The following COL24A1 variants were observed in gnomAD, a reference collection of about 807,000 sequenced individuals.
COL24A1 encodes the protein collagen alpha-1(XXIV) chain.
A neutral mutation model predicts 253.9 loss-of-function variants in COL24A1; 224 were observed. That is an observed-to-expected ratio of 0.88 (90% CI 0.79 to 0.99). The LOEUF (loss-of-function observed/expected upper bound fraction) is 0.99, where lower values mean the gene tolerates loss of function less well. Among genes scored for constraint, COL24A1 ranks in the 50% least tolerant of loss-of-function variants. The probability of loss-of-function intolerance (pLI) is 0.00; values close to 1 mark genes in which losing one functional copy is unlikely to be tolerated. For synonymous variants in COL24A1, 685 were observed against 673.7 expected (o/e 1.02, Z -0.26); for missense variants, 2,131 against 2,068.5 (o/e 1.03, Z -0.59).
chr1:86,041,913 G>A (rs551025884), intron 12 of COL24A1, among the ~76,000 whole-genome samples: 4 of 152,204 alleles, frequency 2.6e-5, no homozygotes, highest in South Asian at 2.1e-4. Flanking sequence ...AGAGCAAAAG[G>A]ATGAATCAAT....
intron 55 of COL24A1, among the ~76,000 whole-genome samples, chr1:85,745,917 C>T (rs1262676642): frequency 6.6e-6 from 1 of 152,122 alleles, no homozygotes; most frequent in East Asian, 1.9e-4. Flanking sequence ...GAATAAAATA[C>T]TACTGTCCTG....
At chr1:85,965,296 C>G (rs1426106336) in intron 22 of COL24A1, among the ~76,000 whole-genome samples, 1 of 151,874 alleles carries the variant, frequency 6.6e-6, no homozygotes, top group African/African-American at 2.4e-5. Context: ...ACTGAACATA[C>G]CTGCCCTCAT....
chr1:85,783,633 A>G lies in COL24A1; in HGVS notation c.4222-75T>C. On this transcript the variant is annotated intron_variant, in intron 50 of 59. Transcript: ENST00000370571. ...ACATTTTACAAAACTATATAAATCT[A>G]TCAAGAATTGCTCTTTTAAAAATGG... is the stretch of plus-strand genomic sequence containing the variant. The G allele has an allele frequency of 4.6e-6, 6 of 1,309,584 alleles. No homozygotes were observed. The South Asian group carries it at 6.0e-5, about 13-fold the overall frequency. 81.1% of individuals were successfully genotyped at this position (1,309,584 alleles called of 1,614,324 possible).
At chr1:85,830,502 C>A (rs925157827) in intron 43 of COL24A1, among the ~76,000 whole-genome samples, 1 of 152,152 alleles carries the variant, frequency 6.6e-6, no homozygotes, top group Admixed American at 6.6e-5. Flanking sequence ...TGGGCAATGG[C>A]GGGTGCCCCT....
chr1:85,830,390 G>T (rs1345154860), intron 43 of COL24A1, among the ~76,000 whole-genome samples: 5 of 152,140 alleles, frequency 3.3e-5, no homozygotes. Flanking sequence ...TCTGTGCCCT[G>T]CCCCCAGAGG....
At chr1:86,077,715 A>T (rs1018380678) in intron 7 of COL24A1, among the ~76,000 whole-genome samples, 2 of 152,164 alleles carry the variant, frequency 1.3e-5, no homozygotes, top group Non-Finnish European at 2.9e-5. Flanking sequence ...GGAAACCATC[A>T]TTCTTAGCAA....
chr1:85,914,897 A>G (rs937990845), intron 24 of COL24A1, among the ~76,000 whole-genome samples: 1 of 152,142 alleles, frequency 6.6e-6, no homozygotes, highest in Non-Finnish European at 1.5e-5. Flanking sequence ...CAGAATTATG[A>G]TCTTATTATT....
At chr1:86,049,034 TCAAGAAGTAGCAGA>T (rs1700116984) in intron 11 of COL24A1, among the ~76,000 whole-genome samples, 1 of 152,174 alleles carries the variant, frequency 6.6e-6, no homozygotes, top group Non-Finnish European at 1.5e-5. Context: ...AACCATTGGG[TCAAGAAGTAGCAGA>T]TCAATTCTCT....
chr1:85,838,672 C>G (rs774851240), intron 42 of COL24A1, 34 bp from the exon 43 acceptor site: 1 of 1,601,660 alleles, frequency 6.2e-7, no homozygotes, highest in South Asian at 1.1e-5. Context: ...ATCAGTTTTA[C>G]AGCTGGATCA....
intron 53 of COL24A1, among the ~76,000 whole-genome samples, chr1:85,774,306 A>T (rs1286541324): frequency 6.6e-6 from 1 of 152,134 alleles, no homozygotes; most frequent in African/African-American, 2.4e-5. Context: ...ATTGATGTTC[A>T]TCAGGGATAT....
rs777058295 is a variant in COL24A1, at chr1:86,017,218, G to A, written c.2257-14C>T. The A allele has an allele frequency of 1.2e-5, 19 of 1,551,998 alleles. No homozygotes were observed. The highest frequency in any genetic ancestry group is 1.7e-6 in the Non-Finnish European group (2 of 1,158,652). On this transcript the variant is annotated splice_polypyrimidine_tract_variant and intron_variant, in intron 18 of 59. Coordinates refer to ENST00000370571, the MANE Select transcript of COL24A1 (RefSeq NM_152890.7). Reference sequence around the variant, plus strand: ...ACCTGTTTGGCCCTAAAATGGGGGGGGAGGATCAAAGTATAAACATAAACT... The same window carrying A: ...ACCTGTTTGGCCCTAAAATGGGGGGAGAGGATCAAAGTATAAACATAAACT...
chr1:85,975,843 C>T (rs1028387101), intron 20 of COL24A1, among the ~76,000 whole-genome samples: 22 of 152,202 alleles, frequency 1.4e-4, no homozygotes, highest in African/African-American at 5.3e-4. Context: ...CACATCCCCA[C>T]TGGGGACCCT....
At chr1:85,976,432 C>CCATT (rs1446012055) in intron 20 of COL24A1, among the ~76,000 whole-genome samples, 1 of 152,076 alleles carries the variant, frequency 6.6e-6, no homozygotes, top group African/African-American at 2.4e-5. Flanking sequence ...GAACATAACC[C>CCATT]CATTGGCCCA....
intron 24 of COL24A1, among the ~76,000 whole-genome samples, chr1:85,947,453 T>C (rs1188967905): frequency 6.6e-6 from 1 of 152,190 alleles, no homozygotes; most frequent in Non-Finnish European, 1.5e-5. Context: ...TGCATATTCT[T>C]TCAGTTTCAT....
At chr1:86,060,265 G>A (rs1011865225) in intron 8 of COL24A1, among the ~76,000 whole-genome samples, 15 of 151,996 alleles carry the variant, frequency 9.9e-5, no homozygotes, top group African/African-American at 3.6e-4. Context: ...CAGAGTTTGG[G>A]TCTATTAAAT....
At chr1:86,109,714 C>A (rs1705345153) in intron 5 of COL24A1, among the ~76,000 whole-genome samples, 1 of 152,190 alleles carries the variant, frequency 6.6e-6, no homozygotes, top group South Asian at 2.1e-4. Flanking sequence ...AGATCCTAAT[C>A]CTTATCTAAT....
At chr1:85,877,896 A>C (rs1681367075) in intron 32 of COL24A1, among the ~76,000 whole-genome samples, 1 of 152,212 alleles carries the variant, frequency 6.6e-6, no homozygotes, top group African/African-American at 2.4e-5. Flanking sequence ...TGCATCTTAA[A>C]GAAGTAAATA....
intron 3 of COL24A1, among the ~76,000 whole-genome samples, chr1:86,119,109 AT>A (rs1014840116): frequency 2.0e-5 from 3 of 152,196 alleles, no homozygotes; most frequent in Admixed American, 6.5e-5. Context: ...GAGTGAGAAC[AT>A]TTTGCAGACT....
chr1:86,099,349 C>G (rs907817642), intron 5 of COL24A1, among the ~76,000 whole-genome samples: 13 of 151,924 alleles, frequency 8.6e-5, no homozygotes, highest in African/African-American at 2.4e-4. Flanking sequence ...AAATGAAGAA[C>G]AAATTACATA....
Sources: gnomAD v4.1 joint callset for allele counts (sites outside exome capture counted in the v4.1 genomes callset) on GRCh38, gnomAD v4.1.1 for gene constraint, MANE v1.5 for transcripts, NCBI Gene and HGNC (gene_info 2026-07-23, HGNC 2026-07-21) for gene names.